The following TAFA1 variants were observed in gnomAD, a reference collection of about 807,000 sequenced individuals.
TAFA1 encodes chemokine-like protein TAFA-1.
TAFA1 carries 4 observed loss-of-function variants against 18.5 expected under a neutral mutation model. That is an observed-to-expected ratio of 0.22 (90% CI 0.11 to 0.49). TAFA1 has a LOEUF of 0.49. TAFA1 is among the 20% of genes least tolerant of loss of function. The pLI is 0.98. For synonymous variants in TAFA1, 56 were observed against 55.2 expected (o/e 1.01, Z -0.06); for missense variants, 147 against 169.0 (o/e 0.87, Z 0.72).
intron 3 of TAFA1, among the ~76,000 whole-genome samples, chr3:68,451,720 G>A (rs2071569170): frequency 6.6e-6 from 1 of 152,210 alleles, no homozygotes; most frequent in African/African-American, 2.4e-5. Flanking sequence ...AGACCAAACT[G>A]ACAGATGAGA....
At chr3:68,225,157 C>T (rs1055418360) in intron 2 of TAFA1, among the ~76,000 whole-genome samples, 4 of 151,856 alleles carry the variant, frequency 2.6e-5, no homozygotes, top group Non-Finnish European at 4.4e-5. Flanking sequence ...ATCCACCTGC[C>T]TCGGCCTCTC....
At chr3:68,238,821 G>A (rs543325380) in intron 2 of TAFA1, among the ~76,000 whole-genome samples, 11 of 152,004 alleles carry the variant, frequency 7.2e-5, no homozygotes, top group East Asian at 1.9e-4. Context: ...CATTTACACC[G>A]AATGAAAATG....
At chr3:68,382,060 T>C (rs922736410) in intron 2 of TAFA1, among the ~76,000 whole-genome samples, 1 of 152,354 alleles carries the variant, frequency 6.6e-6, no homozygotes, top group East Asian at 1.9e-4. Context: ...TCTTTGGTTC[T>C]GTTTATATGC....
At chr3:68,060,126 G>T (rs1315218844) in intron 2 of TAFA1, among the ~76,000 whole-genome samples, 1 of 151,968 alleles carries the variant, frequency 6.6e-6, no homozygotes, top group Non-Finnish European at 1.5e-5. Context: ...TATTTTTGAT[G>T]CCTCCATATT....
chr3:68,372,465 C>G (rs1234167035), intron 2 of TAFA1, among the ~76,000 whole-genome samples: 2 of 152,148 alleles, frequency 1.3e-5, no homozygotes, highest in Non-Finnish European at 2.9e-5. Context: ...TTAATGAGCA[C>G]TTTGATGAAG....
intron 2 of TAFA1, among the ~76,000 whole-genome samples, chr3:68,104,357 G>A (rs1046419810): frequency 2.0e-5 from 3 of 151,922 alleles, no homozygotes; most frequent in Admixed American, 6.6e-5. Context: ...AATTTTAAAT[G>A]TGGAAAATAT....
intron 3 of TAFA1, among the ~76,000 whole-genome samples, chr3:68,455,448 G>T (rs1281597556): frequency 1.3e-5 from 2 of 152,146 alleles, no homozygotes; most frequent in Non-Finnish European, 2.9e-5. Context: ...TATAAAAGAA[G>T]TCAAAGCAGT....
chr3:68,399,139 G>A (rs902563885), intron 2 of TAFA1, among the ~76,000 whole-genome samples: 17 of 152,066 alleles, frequency 1.1e-4, no homozygotes, highest in African/African-American at 3.9e-4. Context: ...TAATAACTAC[G>A]AAGTTTTACA....
At chr3:68,423,002 G>A (rs1195857177) in intron 3 of TAFA1, among the ~76,000 whole-genome samples, 1 of 151,898 alleles carries the variant, frequency 6.6e-6, no homozygotes, top group Non-Finnish European at 1.5e-5. Flanking sequence ...AGAGGTTGAT[G>A]ACTCAAAACA....
chr3:68,491,442 A>G (rs1005221193), intron 3 of TAFA1, among the ~76,000 whole-genome samples: 3 of 151,394 alleles, frequency 2.0e-5, no homozygotes, highest in African/African-American at 7.3e-5. Flanking sequence ...CGCCAAGAAC[A>G]AAAAACCAAA....
At chr3:68,442,895 A>G (rs556059930) in intron 3 of TAFA1, among the ~76,000 whole-genome samples, 1 of 152,288 alleles carries the variant, frequency 6.6e-6, no homozygotes, top group Admixed American at 6.5e-5. Context: ...ATAGTCCTGT[A>G]TACCTCCACA....
intron 2 of TAFA1, among the ~76,000 whole-genome samples, chr3:68,355,252 C>T (rs777047455): frequency 2.0e-5 from 3 of 151,892 alleles, no homozygotes; most frequent in Non-Finnish European, 2.9e-5. Flanking sequence ...TACTTTTGGG[C>T]TCTTTTATTT....
chr3:68,436,223 T>G (rs956953347), intron 3 of TAFA1, among the ~76,000 whole-genome samples: 3 of 152,138 alleles, frequency 2.0e-5, no homozygotes, highest in Non-Finnish European at 1.5e-5. Context: ...CCAGATAAAG[T>G]GTAATGTAGA....
chr3:68,214,814 A>C (rs2107076885), intron 2 of TAFA1, among the ~76,000 whole-genome samples: 1 of 152,160 alleles, frequency 6.6e-6, no homozygotes, highest in African/African-American at 2.4e-5. Flanking sequence ...CATTCAAAGG[A>C]GAATTTATTG....
At chr3:68,504,140 A>G (rs1411992029) in intron 3 of TAFA1, among the ~76,000 whole-genome samples, 2 of 152,166 alleles carry the variant, frequency 1.3e-5, no homozygotes, top group Non-Finnish European at 2.9e-5. Context: ...TATAAAGCAA[A>G]GGGTAAATAT....
chr3:68,197,372 T>C (rs2066422562), intron 2 of TAFA1, among the ~76,000 whole-genome samples: 1 of 151,824 alleles, frequency 6.6e-6, no homozygotes, highest in East Asian at 2.0e-4. Context: ...TTTGCCTTTA[T>C]AAGATCAGGT....
intron 2 of TAFA1, among the ~76,000 whole-genome samples, chr3:68,087,794 T>C (rs2064988406): frequency 6.6e-6 from 1 of 152,188 alleles, no homozygotes. Context: ...GAGAATTTTA[T>C]TTCATTTTGT....
At chr3:68,347,911 C>T (rs2069192495) in intron 2 of TAFA1, among the ~76,000 whole-genome samples, 1 of 152,168 alleles carries the variant, frequency 6.6e-6, no homozygotes, top group South Asian at 2.1e-4. Context: ...CTTTATCTCT[C>T]TCCATTTGAA....
At chr3:68,217,370 A>G (rs1222743823) in intron 2 of TAFA1, among the ~76,000 whole-genome samples, 4 of 152,042 alleles carry the variant, frequency 2.6e-5, no homozygotes, top group South Asian at 2.1e-4. Context: ...GCAATGTTCT[A>G]TAAGTTATCT....
Sources: allele counts gnomAD v4.1 joint callset (sites outside exome capture counted in the v4.1 genomes callset), GRCh38; gene constraint gnomAD v4.1.1; transcripts MANE v1.5; gene names NCBI Gene and HGNC (gene_info 2026-07-23, HGNC 2026-07-21).